HMGB1: variants seen among roughly 807,000 people sequenced by gnomAD.
HMGB1 encodes the protein high mobility group box 1.
For missense variants in HMGB1, 79 were observed against 253.5 expected (o/e 0.31, Z 4.67); for synonymous variants, 81 against 84.0 (o/e 0.96, Z 0.19).
intron 1 of HMGB1, among the ~76,000 whole-genome samples, chr13:30,566,188 TAC>T (rs1183891041): frequency 1.3e-5 from 2 of 152,214 alleles, no homozygotes; most frequent in African/African-American, 4.8e-5. Flanking sequence ...TAATATTTGA[TAC>T]AGTGAGTCCC....
chr13:30,463,384 T>G (rs1345814179), intron 2 of HMGB1, 32 bp from the exon 3 acceptor site: 3 of 1,573,408 alleles, frequency 1.9e-6, no homozygotes, highest in South Asian at 2.3e-5. Flanking sequence ...GTTTAAGTTG[T>G]AACATTTAAG....
intron 1 of HMGB1, among the ~76,000 whole-genome samples, chr13:30,518,064 C>T (rs748061712): frequency 6.6e-6 from 1 of 152,172 alleles, no homozygotes; most frequent in Non-Finnish European, 1.5e-5. Context: ...GGTGTGGTGG[C>T]TCACGCCTGT....
At chr13:30,506,533 G>A (rs184966519) in intron 1 of HMGB1, among the ~76,000 whole-genome samples, 16 of 152,170 alleles carry the variant, frequency 1.1e-4, no homozygotes, top group South Asian at 1.0e-3. Flanking sequence ...CACGAAGACC[G>A]GTCCTTGTTG....
At chr13:30,615,196 A>G (rs1698453976) in intron 1 of HMGB1, among the ~76,000 whole-genome samples, 2 of 152,124 alleles carry the variant, frequency 1.3e-5, no homozygotes, top group Admixed American at 6.6e-5. Context: ...TGATACACGT[A>G]TTTTTTTCTA....
intron 1 of HMGB1, among the ~76,000 whole-genome samples, chr13:30,560,631 G>A (rs1320265336): frequency 2.0e-5 from 3 of 152,198 alleles, no homozygotes; most frequent in African/African-American, 2.4e-5. Context: ...TAAAACGCAC[G>A]CCTCAAGATT....
rs1950398012 is a variant in HMGB1, at chr13:30,601,329, A to G, written c.-15+15342T>C. Among the ~76,000 whole-genome samples, 12 of 152,312 alleles carry G rather than the reference A, an allele frequency of 7.9e-5. No homozygotes were observed. In the South Asian group the frequency reaches 2.5e-3, roughly 32 times the overall value. On this transcript the variant is annotated intron_variant, in intron 1 of 4. Transcript: ENST00000405805. ...AATAAATAGCCATGTTGCTCACACA[A>G]AGCCTGTTTGGTGTCTCTTCACATG...
intron 1 of HMGB1, among the ~76,000 whole-genome samples, chr13:30,545,351 T>C (rs573938855): frequency 4.0e-5 from 6 of 151,548 alleles, no homozygotes; most frequent in East Asian, 1.9e-4. Flanking sequence ...GGCTGCTCTA[T>C]TGAGAATAAC....
intron 1 of HMGB1, among the ~76,000 whole-genome samples, chr13:30,519,514 T>C: frequency 6.9e-6 from 1 of 145,264 alleles, no homozygotes; most frequent in African/African-American, 2.6e-5. Flanking sequence ...GCTAACACAG[T>C]GAAACCCTGT....
chr13:30,609,934 T>C (rs552118635), intron 1 of HMGB1, among the ~76,000 whole-genome samples: 1 of 152,240 alleles, frequency 6.6e-6, no homozygotes, highest in African/African-American at 2.4e-5. Flanking sequence ...TTCCTTTGTA[T>C]GGATGAATAG....
intron 1 of HMGB1, among the ~76,000 whole-genome samples, chr13:30,477,274 G>T (rs1218092504): frequency 2.1e-5 from 3 of 145,730 alleles, no homozygotes; most frequent in African/African-American, 8.0e-5. Context: ...TTGTTGCGAT[G>T]GACTCCGATT....
chr13:30,524,926 T>A (rs561461824), intron 1 of HMGB1, among the ~76,000 whole-genome samples: 3 of 152,282 alleles, frequency 2.0e-5, no homozygotes, highest in Non-Finnish European at 4.4e-5. Context: ...GTTGTTTTTT[T>A]ATCACATAGT....
rs529279843 is a variant in HMGB1, at chr13:30,498,969, T to G, written c.-14-35275A>C. Among the ~76,000 whole-genome samples, 717 of 131,906 alleles carry G rather than the reference T, an allele frequency of 5.4e-3. 2 individuals are homozygous for G. The highest frequency in any genetic ancestry group is 8.0e-3 in the Middle Eastern group (2 of 250). The allele number at this position is 131,906 out of a possible 152,430, so 86.5% of individuals were successfully genotyped here. On this transcript the variant is annotated intron_variant, in intron 1 of 4. Transcript: ENST00000405805. ...AGCCTCTTTTTTGTTTTTTTTTTTT[T>G]TGAGAAGGAGTCTTGCTCTGTTGCC...
At chr13:30,613,397 T>C (rs1235601201) in intron 1 of HMGB1, among the ~76,000 whole-genome samples, 7 of 152,128 alleles carry the variant, frequency 4.6e-5, no homozygotes, top group Non-Finnish European at 1.0e-4. Context: ...CCATATATTA[T>C]TGGCAAAAAA....
chr13:30,537,741 T>A (rs1470196937), intron 1 of HMGB1, among the ~76,000 whole-genome samples: 1 of 142,698 alleles, frequency 7.0e-6, no homozygotes, highest in Non-Finnish European at 1.5e-5. Flanking sequence ...TTGTGACTAT[T>A]TCCATTCTGG....
Position 30,498,961 on chromosome 13 carries a change from T to G in HMGB1, c.-14-35267A>C, listed in dbSNP as rs1371261501. On this transcript the variant is annotated intron_variant, in intron 1 of 4. Transcript: ENST00000405805. Reference sequence around the variant, plus strand: ...CTGCGCCCAGCCTCTTTTTTGTTTTTTTTTTTTTTGAGAAGGAGTCTTGCT... The same window carrying G: ...CTGCGCCCAGCCTCTTTTTTGTTTTGTTTTTTTTTGAGAAGGAGTCTTGCT... 2.0e-5 allele frequency among the ~76,000 whole-genome samples: 3 copies of G among 151,030 alleles called. 1 individual carries two copies. The South Asian group carries it at 6.3e-4, about 32-fold the overall frequency.
chr13:30,579,791 A>G (rs1211201436), intron 1 of HMGB1, among the ~76,000 whole-genome samples: 2 of 152,208 alleles, frequency 1.3e-5, no homozygotes, highest in African/African-American at 4.8e-5. Context: ...AGAGTTAAAA[A>G]TTAGTTTCTT....
intron 1 of HMGB1, among the ~76,000 whole-genome samples, chr13:30,558,638 C>A (rs1353973618): frequency 6.6e-6 from 1 of 152,150 alleles, no homozygotes; most frequent in Non-Finnish European, 1.5e-5. Flanking sequence ...CAGCCATGGG[C>A]TATGAAACCT....
At chr13:30,470,508 C>T (rs1886895197), upstream of HMGB1, among the ~76,000 whole-genome samples, 1 of 152,170 alleles carries the variant, frequency 6.6e-6, no homozygotes, top group Non-Finnish European at 1.5e-5. Context: ...CACATATAGT[C>T]TAAGCATTTA....
intron 1 of HMGB1, among the ~76,000 whole-genome samples, chr13:30,585,338 C>G (rs1871097072): frequency 6.6e-6 from 1 of 151,142 alleles, no homozygotes; most frequent in Non-Finnish European, 1.5e-5. Flanking sequence ...AAACAGAAAA[C>G]AAAACAAACA....
Sources: gnomAD v4.1 joint callset for allele counts (sites outside exome capture counted in the v4.1 genomes callset) on GRCh38, gnomAD v4.1.1 for gene constraint, MANE v1.5 for transcripts, NCBI Gene and HGNC (gene_info 2026-07-23, HGNC 2026-07-21) for gene names.